The following RFX6 variants were observed in gnomAD, a reference collection of about 807,000 sequenced individuals.
RFX6 encodes DNA-binding protein RFX6.
In RFX6, 50 loss-of-function variants were observed where a neutral mutation model predicts 110.8. That is an observed-to-expected ratio of 0.45 (90% CI 0.36 to 0.57). RFX6 has a LOEUF of 0.57. Ranked by LOEUF, RFX6 falls within the 20% of genes least tolerant of loss-of-function variation. The pLI is 0.00. For missense variants in RFX6, 990 were observed against 1,127.0 expected (o/e 0.88, Z 1.74); for synonymous variants, 383 against 411.2 (o/e 0.93, Z 0.83).
chr6:116,926,898 A>G, intron 16 of RFX6, 129 bp from the exon 17 acceptor site: 1 of 841,184 alleles, frequency 1.2e-6, no homozygotes, highest in East Asian at 2.6e-5. Context: ...CAGTTTAGTT[A>G]TTTTTGGAGG....
At chr6:116,883,504 A>C (rs1774636864) in intron 4 of RFX6, among the ~76,000 whole-genome samples, 1 of 152,214 alleles carries the variant, frequency 6.6e-6, no homozygotes, top group South Asian at 2.1e-4. Flanking sequence ...GGAACAAGCG[A>C]AATTAATTTT....
At chr6:116,894,205 A>G (rs1009164302) in intron 5 of RFX6, 141 bp downstream of exon 5, 2 of 666,430 alleles carry the variant, frequency 3.0e-6, no homozygotes, top group African/African-American at 1.8e-5. Context: ...CTTTGTATGG[A>G]TGATTATATA....
intron 4 of RFX6, among the ~76,000 whole-genome samples, chr6:116,887,040 C>A (rs554345446): frequency 6.6e-6 from 1 of 151,508 alleles, no homozygotes; most frequent in African/African-American, 2.4e-5. Flanking sequence ...TCCAGCCTGG[C>A]GACCGAGCGA....
In RFX6 at chr6:116,928,750, C is replaced by G; in HGVS notation, c.2399-9C>G. The G allele has an allele frequency of 6.2e-7, 1 of 1,601,642 alleles. No homozygotes were observed. The highest frequency in any genetic ancestry group is 8.6e-7 in the Non-Finnish European group (1 of 1,168,740). The stretch of plus-strand genomic sequence containing the variant: ...GTTAACAGCAAATTCTCAACATTTT[C>G]TGTTACAGGATACTATGGAAGCAAC... On this transcript the variant is annotated splice_polypyrimidine_tract_variant and intron_variant, in intron 17 of 18. Coordinates refer to ENST00000332958, the MANE Select transcript of RFX6 (RefSeq NM_173560.4).
At position 116,881,509 on chromosome 6, in the gene RFX6, G is replaced by A. The variant is rs144459989; in HGVS notation, c.504+842G>A. ...TTTCAAAAACCTATCTATTTACAGA[G>A]AGAGTGTGATATTATACATTGTAAT... is the stretch of plus-strand genomic sequence containing the variant. On this transcript the variant is annotated intron_variant, in intron 3 of 18. Transcript: ENST00000332958. Among the ~76,000 whole-genome samples the A allele has an allele frequency of 2.0e-3, 305 of 152,134 alleles. 1 individual carries two copies. Among genetic ancestry groups the A allele is most frequent in the African/African-American group, 7.1e-3 (293 of 41,542 alleles).
rs984058497 is a variant in RFX6 at position 116,880,679 on chromosome 6, G to A, written c.504+12G>A. 24 of 1,613,052 alleles carry A rather than the reference G, an allele frequency of 1.5e-5. No homozygotes were observed. In the East Asian group the frequency reaches 1.8e-4, roughly 12 times the overall value. ...CCACCTTTGGAAAGGTAAATGACAC[G>A]TATTGGCTATAGTGACTTATAACTA... On this transcript the variant is annotated intron_variant, in intron 3 of 18. Transcript: ENST00000332958.
rs1775704894 is a variant in RFX6 at position 116,925,641 on chromosome 6, G to A, written c.1867G>A (p.Asp623Asn). 6.2e-7 allele frequency: 1 copy of A among 1,613,354 alleles called. No individual in the cohort carries two copies. Residue 623 changes from aspartate to asparagine, a missense_variant, in exon 16 of 19, where the codon GAC (aspartate) becomes AAC (asparagine). Asp to Asn is a conservative substitution (Grantham distance 23). Around this residue, in one of 5 missense-constraint regions of RFX6, gnomAD observed 438 missense variants for 441.9 expected, o/e 0.99. Transcript: ENST00000332958. Reference protein sequence around the residue: ...ALHQFPAGNTDNMPLTGQMEL... With the variant: ...ALHQFPAGNTNNMPLTGQMEL... ...GCACCAGTTCCCTGCTGGGAACACA[G>A]ACAACATGCCGCTCACAGGTACGCT...
chr6:116,892,017 CA>C (rs1268073558), intron 4 of RFX6, among the ~76,000 whole-genome samples: 1 of 151,964 alleles, frequency 6.6e-6, no homozygotes, highest in East Asian at 1.9e-4. Flanking sequence ...GTACATTTAC[CA>C]AAATTGAGGA....
At chr6:116,923,359 T>C (rs1385806114) in intron 14 of RFX6, 135 bp downstream of exon 14, 1 of 688,302 alleles carries the variant, frequency 1.5e-6, no homozygotes, top group Admixed American at 2.1e-5. Flanking sequence ...TATGAGAAAA[T>C]GGTATTTATG....
chr6:116,882,343 T>C, intron 3 of RFX6, 24 bp from the exon 4 acceptor site: 1 of 1,596,976 alleles, frequency 6.3e-7, no homozygotes, highest in Non-Finnish European at 8.6e-7. Context: ...TTCTAACGCC[T>C]AAAGTAATCA....
intron 4 of RFX6, 104 bp from the exon 5 acceptor site, chr6:116,893,883 G>C (rs1452034827): frequency 6.4e-6 from 5 of 775,992 alleles, no homozygotes; most frequent in Non-Finnish European, 1.2e-5. Flanking sequence ...GGTCATCAGG[G>C]TTTGCAGTTC....
chr6:116,888,981 A>G (rs1484564284), intron 4 of RFX6, among the ~76,000 whole-genome samples: 1 of 152,124 alleles, frequency 6.6e-6, no homozygotes, highest in Non-Finnish European at 1.5e-5. Flanking sequence ...CTCAGATGAC[A>G]ACATGTACCT....
intron 6 of RFX6, among the ~76,000 whole-genome samples, chr6:116,909,354 T>C (rs1253086860): frequency 6.6e-6 from 1 of 152,112 alleles, no homozygotes; most frequent in East Asian, 1.9e-4. Context: ...TTGTTATGCT[T>C]ATCCAACAAA....
chr6:116,893,547 A>G (rs1184454972), intron 4 of RFX6, among the ~76,000 whole-genome samples: 1 of 152,176 alleles, frequency 6.6e-6, no homozygotes, highest in Non-Finnish European at 1.5e-5. Context: ...CACATGTTTC[A>G]TACATATTCC....
At chr6:116,896,957 C>G (rs1041390181) in intron 6 of RFX6, among the ~76,000 whole-genome samples, 1 of 152,062 alleles carries the variant, frequency 6.6e-6, no homozygotes, top group South Asian at 2.1e-4. Flanking sequence ...ATTACAGGTA[C>G]TAGGAGACAA....
intron 6 of RFX6, among the ~76,000 whole-genome samples, chr6:116,910,274 TGG>T (rs902041175): frequency 2.6e-5 from 4 of 152,222 alleles, no homozygotes; most frequent in Admixed American, 2.6e-4. Context: ...TCTTCCTGTG[TGG>T]GTTTCCTGTA....
chr6:116,881,922 A>T (rs565108090), intron 3 of RFX6, among the ~76,000 whole-genome samples: 11 of 152,162 alleles, frequency 7.2e-5, no homozygotes, highest in Non-Finnish European at 1.3e-4. Context: ...AGAAAGGAAC[A>T]TACAAAACAA....
At chr6:116,884,339 C>T (rs1774654395) in intron 4 of RFX6, among the ~76,000 whole-genome samples, 2 of 152,098 alleles carry the variant, frequency 1.3e-5, no homozygotes, top group South Asian at 4.1e-4. Context: ...AACTTTGTCT[C>T]ATTCACTTTT....
chr6:116,923,517 A>G, intron 14 of RFX6: 1 of 394,452 alleles, frequency 2.5e-6, no homozygotes, highest in Non-Finnish European at 4.7e-6. Context: ...TGTATATAAA[A>G]ACAAATTGCC....
Sources: allele counts gnomAD v4.1 joint callset (sites outside exome capture counted in the v4.1 genomes callset), GRCh38; gene constraint gnomAD v4.1.1; regional missense constraint gnomAD v4.1.1; transcripts MANE v1.5; gene names NCBI Gene and HGNC (gene_info 2026-07-23, HGNC 2026-07-21).